The following MED12L variants were observed in gnomAD, a reference collection of about 807,000 sequenced individuals.
MED12L encodes mediator complex subunit 12L, also known as mediator of RNA polymerase II transcription subunit 12-like protein.
Under a neutral mutation model 281.3 loss-of-function variants are expected in MED12L, and 60 were observed. That is an observed-to-expected ratio of 0.21 (90% confidence interval 0.17 to 0.26). The LOEUF (loss-of-function observed/expected upper bound fraction) is 0.26. Among genes scored for constraint, MED12L ranks in the 10% least tolerant of loss-of-function variants. MED12L has a pLI of 1.00. For synonymous variants in MED12L, 974 were observed against 987.2 expected (o/e 0.99, Z 0.25); for missense variants, 2,146 against 2,680.9 (o/e 0.80, Z 4.41).
chr3:151,311,187 A>C (rs1037772320), intron 16 of MED12L, among the ~76,000 whole-genome samples: 5 of 152,112 alleles, frequency 3.3e-5, no homozygotes, highest in African/African-American at 1.2e-4. Context: ...ATCCAGCATG[A>C]CTCTGTGAAG....
rs543346251 is a variant in MED12L at position 151,301,234 on chromosome 3, ATGAC to A, written c.2251-48820_2251-48817del. Among the ~76,000 whole-genome samples the A allele has an allele frequency of 9.8e-5, 15 of 152,354 alleles. No individual in the cohort carries two copies. In the South Asian group the frequency reaches 3.1e-3, roughly 32 times the overall value. Reference sequence around the variant, plus strand: ...TATTTATTAAAGTTTACTGGGGAGAATGACTGACGCAGTTAATTTTCTAGACTTT... The same window carrying A: ...TATTTATTAAAGTTTACTGGGGAGAATGACGCAGTTAATTTTCTAGACTTT... On this transcript the variant is annotated intron_variant, in intron 16 of 44. Coordinates refer to ENST00000687756, the MANE Select transcript of MED12L (RefSeq NM_001393769.1).
chr3:151,215,713 C>G (rs1185202249), intron 16 of MED12L, among the ~76,000 whole-genome samples: 1 of 152,150 alleles, frequency 6.6e-6, no homozygotes, highest in Non-Finnish European at 1.5e-5. Context: ...TGAACAGTAC[C>G]AATTATCCTG....
chr3:151,202,383 T>A (rs1725729883), intron 16 of MED12L, among the ~76,000 whole-genome samples: 1 of 152,202 alleles, frequency 6.6e-6, no homozygotes, highest in Admixed American at 6.5e-5. Context: ...AGAAAATAAA[T>A]AAACTGGCTG....
At chr3:151,228,083 T>C (rs910002662) in intron 16 of MED12L, among the ~76,000 whole-genome samples, 1 of 152,186 alleles carries the variant, frequency 6.6e-6, no homozygotes, top group Non-Finnish European at 1.5e-5. Flanking sequence ...ATTGAATAAC[T>C]CATCAGCAGT....
intron 31 of MED12L, 106 bp from the exon 32 acceptor site, chr3:151,380,007 C>A: frequency 3.5e-5 from 23 of 655,308 alleles, no homozygotes; most frequent in Non-Finnish European, 3.3e-5. Flanking sequence ...TGGCTATTTA[C>A]CACCTCTCTT....
intron 16 of MED12L, among the ~76,000 whole-genome samples, chr3:151,243,213 C>T (rs1175289183): frequency 6.6e-6 from 1 of 151,966 alleles, no homozygotes; most frequent in Non-Finnish European, 1.5e-5. Flanking sequence ...TCCAGGAGAA[C>T]TTCCCCAATC....
At chr3:151,237,356 T>TTTC (rs1553753104) in intron 16 of MED12L, among the ~76,000 whole-genome samples, 2 of 130,998 alleles carry the variant, frequency 1.5e-5, no homozygotes, top group African/African-American at 6.4e-5. Flanking sequence ...TTTTCTTTTT[T>TTTC]TTTTTTTTTT....
chr3:151,314,106 A>T (rs1254642614), intron 16 of MED12L, among the ~76,000 whole-genome samples: 1 of 152,186 alleles, frequency 6.6e-6, no homozygotes, highest in East Asian at 1.9e-4. Context: ...AAATGATGGA[A>T]ATCATTAGAA....
chr3:151,257,256 A>G (rs925605056), intron 16 of MED12L, among the ~76,000 whole-genome samples: 8 of 152,240 alleles, frequency 5.3e-5, no homozygotes, highest in African/African-American at 1.4e-4. Flanking sequence ...ACTGTATGCC[A>G]GTTGGCATGT....
chr3:151,197,444 G>A (rs931500825), intron 16 of MED12L, among the ~76,000 whole-genome samples: 10 of 152,066 alleles, frequency 6.6e-5, no homozygotes, highest in South Asian at 2.1e-4. Context: ...CACCACGCCC[G>A]GCTGGAGTCA....
At chr3:151,263,143 G>A (rs1360455482) in intron 16 of MED12L, among the ~76,000 whole-genome samples, 1 of 152,174 alleles carries the variant, frequency 6.6e-6, no homozygotes, top group African/African-American at 2.4e-5. Context: ...GTGCAGAGAT[G>A]GATCAACAGC....
intron 16 of MED12L, among the ~76,000 whole-genome samples, chr3:151,322,352 A>AT (rs557632428): frequency 1.5e-4 from 22 of 149,966 alleles, no homozygotes; most frequent in South Asian, 8.5e-4. Context: ...GGCCCAGGTA[A>AT]TTTTTTTTTT....
At chr3:151,213,738 G>A (rs763303276) in intron 16 of MED12L, 1 of 1,614,132 alleles carries the variant, frequency 6.2e-7, no homozygotes, top group South Asian at 1.1e-5. Flanking sequence ...TCCAGAAGAT[G>A]GCCACGAAGA....
chr3:151,360,210 G>GTA (rs1560075044), intron 20 of MED12L, among the ~76,000 whole-genome samples: 2 of 152,202 alleles, frequency 1.3e-5, no homozygotes, highest in South Asian at 4.1e-4. Context: ...TCCTCCATAC[G>GTA]TACCTTCTTT....
intron 38 of MED12L, among the ~76,000 whole-genome samples, chr3:151,392,260 T>TA: frequency 6.6e-6 from 1 of 151,794 alleles, no homozygotes; most frequent in Non-Finnish European, 1.5e-5. Context: ...GGTCAGGAGT[T>TA]AAAGACCAGC....
rs1271328553 is a variant in MED12L at position 151,380,208 on chromosome 3, A to G, written c.4574A>G (p.Gln1525Arg). ...AGGGAAGGCCTCCTAACATCTCTCCAGAATCAAGTTAACCAGGTAAAGTAT... is the reference window on the plus strand; with the variant it reads ...AGGGAAGGCCTCCTAACATCTCTCCGGAATCAAGTTAACCAGGTAAAGTAT... ...EQREGLLTSL[Q>R]NQVNQILSNW... The change falls in exon 32 of 45, where the codon CAG becomes CGG. Residue 1525 changes from glutamine (Q) to arginine (R), a missense_variant. This residue lies in a region of MED12L where 212 missense variants were observed against 340.8 expected (regional missense o/e 0.62). Coordinates refer to ENST00000687756, the MANE Select transcript of MED12L (RefSeq NM_001393769.1). The G allele has an allele frequency of 6.2e-7, 1 of 1,601,758 alleles. No homozygotes were observed. The highest frequency in any genetic ancestry group is 1.1e-5 in the South Asian group (1 of 90,108).
Position 151,430,547 on chromosome 3 carries a change from G to A in MED12L, c.6490+167G>A, listed in dbSNP as rs942787207. On this transcript the variant is annotated intron_variant, in intron 44 of 44. Transcript: ENST00000687756. ...TTTCATTCTGTCTTCGTTTGGTTTTGGCTTGAATGCTTCCTTTCCTGGGAA... is the reference window on the plus strand; with the variant it reads ...TTTCATTCTGTCTTCGTTTGGTTTTAGCTTGAATGCTTCCTTTCCTGGGAA... Among the ~76,000 whole-genome samples, 9 of 151,672 alleles carry A rather than the reference G, an allele frequency of 5.9e-5. No homozygotes were observed. The East Asian group carries it at 1.8e-3, about 30-fold the overall frequency.
At chr3:151,291,150 G>GTTTTTTTTT (rs59482240) in intron 16 of MED12L, among the ~76,000 whole-genome samples, 6 of 127,548 alleles carry the variant, frequency 4.7e-5, no homozygotes, top group African/African-American at 1.4e-4. Flanking sequence ...CTTGTTTTCT[G>GTTTTTTTTT]TTTTTTTTTT....
At position 151,394,649 on chromosome 3, in the gene MED12L, T is replaced by G; in HGVS notation, c.5609-7T>G. 6.2e-7 allele frequency: 1 copy of G among 1,613,894 alleles called. No homozygotes were observed. The highest frequency in any genetic ancestry group is 8.5e-7 in the Non-Finnish European group (1 of 1,179,970). On this transcript the variant is annotated splice_polypyrimidine_tract_variant and splice_region_variant and intron_variant, in intron 38 of 44. Coordinates refer to ENST00000687756, the MANE Select transcript of MED12L (RefSeq NM_001393769.1). ...TAGAAAGTGTTTCCTTTTGGTTGCTTTTGTAGGTGGCTCCAGATTGGACCC... is the reference window on the plus strand; with the variant it reads ...TAGAAAGTGTTTCCTTTTGGTTGCTGTTGTAGGTGGCTCCAGATTGGACCC...
Sources: allele counts gnomAD v4.1 joint callset (sites outside exome capture counted in the v4.1 genomes callset), GRCh38; gene constraint gnomAD v4.1.1; regional missense constraint gnomAD v4.1.1; transcripts MANE v1.5; gene names NCBI Gene and HGNC (gene_info 2026-07-23, HGNC 2026-07-21).